The following ZSWIM5 variants were observed in gnomAD, a reference collection of about 807,000 sequenced individuals.
ZSWIM5 encodes zinc finger SWIM-type containing 5.
Under a neutral mutation model 119.6 loss-of-function variants are expected in ZSWIM5, and 55 were observed. That is an observed-to-expected ratio of 0.46 (90% CI 0.37 to 0.58). ZSWIM5 has a LOEUF of 0.58. Among genes scored for constraint, ZSWIM5 ranks in the 20% least tolerant of loss-of-function variants. The pLI, the probability that ZSWIM5 is intolerant of heterozygous loss-of-function variation, is 0.00. For missense variants in ZSWIM5, 1,193 were observed against 1,512.8 expected (o/e 0.79, Z 3.51); for synonymous variants, 537 against 606.9 (o/e 0.88, Z 1.69).
intron 1 of ZSWIM5, among the ~76,000 whole-genome samples, chr1:45,203,078 C>T (rs1646167436): frequency 6.6e-6 from 1 of 151,856 alleles, no homozygotes; most frequent in Non-Finnish European, 1.5e-5. Context: ...TACAGACATC[C>T]CTGAAGAGAC....
chr1:45,128,758 T>A (rs761199714), intron 1 of ZSWIM5, among the ~76,000 whole-genome samples: 4 of 152,194 alleles, frequency 2.6e-5, no homozygotes, highest in Non-Finnish European at 5.9e-5. Flanking sequence ...GCCTCAAATA[T>A]CCCTAGTGCT....
intron 1 of ZSWIM5, among the ~76,000 whole-genome samples, chr1:45,200,931 CA>C (rs1332604104): frequency 6.6e-6 from 1 of 152,162 alleles, no homozygotes; most frequent in Non-Finnish European, 1.5e-5. Flanking sequence ...CCCAATACCT[CA>C]GAACATAACC....
intron 1 of ZSWIM5, among the ~76,000 whole-genome samples, chr1:45,134,112 A>G (rs1645675471): frequency 6.6e-6 from 1 of 152,092 alleles, no homozygotes; most frequent in South Asian, 2.1e-4. Flanking sequence ...TTGGTTCCAT[A>G]TGAACTTTAA....
intron 1 of ZSWIM5, among the ~76,000 whole-genome samples, chr1:45,147,488 C>T (rs547958471): frequency 3.4e-5 from 5 of 148,864 alleles, no homozygotes; most frequent in African/African-American, 4.9e-5. Flanking sequence ...ATATAGAAAA[C>T]GTTTTCTGCT....
At chr1:45,117,103 A>C (rs1443213487) in intron 1 of ZSWIM5, among the ~76,000 whole-genome samples, 1 of 152,228 alleles carries the variant, frequency 6.6e-6, no homozygotes, top group Non-Finnish European at 1.5e-5. Context: ...AAGGAAGCTC[A>C]AAAGACAGAA....
At chr1:45,075,141 T>C (rs1434207113) in intron 2 of ZSWIM5, among the ~76,000 whole-genome samples, 1 of 152,016 alleles carries the variant, frequency 6.6e-6, no homozygotes, top group Non-Finnish European at 1.5e-5. Context: ...GTGGTCTATC[T>C]TTGAGAATAA....
At chr1:45,048,057 C>CCT (rs1390043463) in intron 5 of ZSWIM5, among the ~76,000 whole-genome samples, 6 of 44,890 alleles carry the variant, frequency 1.3e-4, no homozygotes, top group African/African-American at 3.3e-4. Flanking sequence ...TTCTTTCTTT[C>CCT]TTTCTTTCTT....
At chr1:45,184,486 A>T (rs1211686028) in intron 1 of ZSWIM5, among the ~76,000 whole-genome samples, 1 of 152,194 alleles carries the variant, frequency 6.6e-6, no homozygotes, top group African/African-American at 2.4e-5. Context: ...TCATGATTGT[A>T]TATCTAGGAA....
intron 1 of ZSWIM5, among the ~76,000 whole-genome samples, chr1:45,198,574 C>G (rs78735654): frequency 6.8e-6 from 1 of 146,152 alleles, no homozygotes; most frequent in Non-Finnish European, 1.5e-5. Context: ...TTTTCTCCAC[C>G]ACAACAATGT....
chr1:45,184,503 T>C (rs906581564), intron 1 of ZSWIM5, among the ~76,000 whole-genome samples: 12 of 152,182 alleles, frequency 7.9e-5, no homozygotes, highest in South Asian at 2.1e-4. Context: ...GGAAACCCCA[T>C]TGTCTCAGCC....
intron 1 of ZSWIM5, among the ~76,000 whole-genome samples, chr1:45,129,644 T>C (rs1163039327): frequency 1.3e-5 from 2 of 152,176 alleles, no homozygotes; most frequent in African/African-American, 4.8e-5. Context: ...CCTGATTTTT[T>C]ACAAAGGTAC....
rs1437591815 is a variant in ZSWIM5 at position 45,019,289 on chromosome 1, T to C, written c.2723A>G (p.Gln908Arg). The C allele has an allele frequency of 5.0e-6, 8 of 1,612,550 alleles. No homozygotes were observed. Among genetic ancestry groups the C allele is most frequent in the Non-Finnish European group, 5.9e-6 (7 of 1,179,810 alleles). ...AGGGGTGAAGAGTGTGTACCAGCTC[T>C]GCAAGATGCTCACCAGGGCCCGCAC... ...VGVRALVSILQSWYTLFTPTE... is the reference protein window; with the variant it reads ...VGVRALVSILRSWYTLFTPTE... Residue 908 changes from glutamine (Q) to arginine (R), a missense_variant, in exon 14 of 14, where the codon CAG becomes CGG. This residue lies in a region of ZSWIM5 where 961 missense variants were observed against 1,290.0 expected (regional missense o/e 0.74). Transcript: ENST00000359600. The surrounding 1 kb of genome is among the most constrained non-coding windows in gnomAD (Gnocchi z 5.0).
At chr1:45,092,606 T>C (rs554043745) in intron 1 of ZSWIM5, among the ~76,000 whole-genome samples, 4 of 127,616 alleles carry the variant, frequency 3.1e-5, no homozygotes, top group African/African-American at 1.2e-4. Context: ...CCTGGCCCGA[T>C]GGTTAGTTTT....
At chr1:45,106,645 G>A (rs866026049) in intron 1 of ZSWIM5, among the ~76,000 whole-genome samples, 10 of 151,374 alleles carry the variant, frequency 6.6e-5, no homozygotes, top group South Asian at 2.1e-4. Context: ...CTGCCCGGCC[G>A]CCCCGTCTGG....
At chr1:45,067,931 A>G (rs1645194961) in intron 2 of ZSWIM5, among the ~76,000 whole-genome samples, 1 of 152,120 alleles carries the variant, frequency 6.6e-6, no homozygotes, top group Admixed American at 6.5e-5. Flanking sequence ...ACTAAAACTA[A>G]TAAGAGAAAT....
At chr1:45,108,712 T>C (rs552197361) in intron 1 of ZSWIM5, among the ~76,000 whole-genome samples, 142 of 152,140 alleles carry the variant, frequency 9.3e-4, no homozygotes, top group Admixed American at 1.6e-3. Context: ...AATATTATTA[T>C]GTTAATGTTC....
At chr1:45,053,527 G>A (rs1010348930) in intron 4 of ZSWIM5, among the ~76,000 whole-genome samples, 4 of 151,774 alleles carry the variant, frequency 2.6e-5, no homozygotes, top group Non-Finnish European at 2.9e-5. Context: ...TTTGGGAGGC[G>A]GAGGCAGGTG....
chr1:45,066,124 G>A (rs1414345896), intron 2 of ZSWIM5, among the ~76,000 whole-genome samples: 3 of 145,696 alleles, frequency 2.1e-5, no homozygotes, highest in African/African-American at 5.1e-5. Context: ...TTGGTTTTTT[G>A]TCCTTGCGAT....
At chr1:45,169,811 T>A (rs915717489) in intron 1 of ZSWIM5, among the ~76,000 whole-genome samples, 3 of 152,118 alleles carry the variant, frequency 2.0e-5, no homozygotes, top group Non-Finnish European at 4.4e-5. Flanking sequence ...AGAATCTGAA[T>A]ACTTTCGTTA....
Sources: allele counts gnomAD v4.1 joint callset (sites outside exome capture counted in the v4.1 genomes callset), GRCh38; gene constraint gnomAD v4.1.1; regional missense constraint gnomAD v4.1.1; non-coding constraint Gnocchi (gnomAD v3.1); transcripts MANE v1.5; gene names NCBI Gene and HGNC (gene_info 2026-07-23, HGNC 2026-07-21).